The following DNAH11 variants were observed in gnomAD, a reference collection of about 807,000 sequenced individuals.
The protein encoded by DNAH11 is dynein axonemal heavy chain 11.
DNAH11 carries 442 observed loss-of-function variants against 526.0 expected under a neutral mutation model. The observed-to-expected ratio is 0.84, with a 90% CI of 0.78 to 0.91. DNAH11 has a LOEUF of 0.91. Among genes scored for constraint, DNAH11 ranks in the 40% least tolerant of loss-of-function variants. The pLI, the probability that DNAH11 is intolerant of heterozygous loss-of-function variation, is 0.00. For synonymous variants in DNAH11, 2,461 were observed against 1,935.9 expected (o/e 1.27, Z -7.12); for missense variants, 6,989 against 5,448.7 (o/e 1.28, Z -8.90).
intron 74 of DNAH11, among the ~76,000 whole-genome samples, chr7:21,875,974 C>T (rs975396326): frequency 6.7e-6 from 1 of 149,802 alleles, no homozygotes; most frequent in Non-Finnish European, 1.5e-5. Flanking sequence ...AGCTCCGCCT[C>T]CCAGGTTCAC....
intron 65 of DNAH11, among the ~76,000 whole-genome samples, chr7:21,832,675 C>T (rs1323430517): frequency 6.6e-6 from 1 of 152,150 alleles, no homozygotes; most frequent in East Asian, 1.9e-4. Flanking sequence ...GAAAAATTAG[C>T]TGCTATTGCT....
intron 61 of DNAH11, among the ~76,000 whole-genome samples, chr7:21,792,894 C>A (rs1175655293): frequency 2.6e-5 from 4 of 151,342 alleles, no homozygotes; most frequent in African/African-American, 9.7e-5. Context: ...TCTGATTTTT[C>A]TTATTTCCTT....
At chr7:21,630,097 G>T (rs1021477987) in intron 25 of DNAH11, among the ~76,000 whole-genome samples, 3 of 150,828 alleles carry the variant, frequency 2.0e-5, no homozygotes, top group South Asian at 4.2e-4. Context: ...TTGCATTGTG[G>T]TTACCATGAG....
rs367596683 is a variant in DNAH11 at position 21,866,554 on chromosome 7, G to A, written c.11581G>A (p.Glu3861Lys). The A allele has an allele frequency of 1.6e-5, 26 of 1,613,768 alleles. No individual in the cohort carries two copies. The highest frequency in any genetic ancestry group is 3.3e-4 in the Middle Eastern group (2 of 6,084). Residue 3861 changes from glutamate (E) to lysine (K), a missense_variant, in exon 71 of 82, where the codon GAG (glutamate) becomes AAG (lysine). Transcript: ENST00000409508. ...AKQWRKWVES[E>K]CPEKEKLPQE... ...GCAGTGGAGGAAGTGGGTAGAATCC[G>A]AGTGTCCAGAAAAAGAAAAATTACC...
chr7:21,687,194 TAGGA>T lies in DNAH11; in HGVS notation c.5718_5721del (p.Gly1907ValfsTer5), dbSNP rs1783413277. The stretch of plus-strand genomic sequence containing the variant: ...GGGAAAACAGAGACCACCAAAGACC[TAGGA>T]CGTGCCCTTGGCATGATGGTCTATG... On this transcript the variant is annotated frameshift_variant, in exon 33 of 82. Transcript: ENST00000409508. LOFTEE classifies it high-confidence loss of function. 6.2e-7 allele frequency: 1 copy of T among 1,611,178 alleles called. No homozygotes were observed. The highest frequency in any genetic ancestry group is 2.2e-5 in the East Asian group (1 of 44,856).
At position 21,589,325 on chromosome 7, in the gene DNAH11, C is replaced by G; in HGVS notation, c.2091C>G (p.Ile697Met). 1 of 1,610,158 alleles carries G rather than the reference C, an allele frequency of 6.2e-7. No individual in the cohort carries two copies. Among genetic ancestry groups the G allele is most frequent in the Non-Finnish European group, 8.5e-7 (1 of 1,178,470 alleles). Reference sequence around the variant, plus strand: ...AATGGAAAAGTAATGTGGATGAAATCTGTGAATTCAATTTGAATCAACCCT... The same window carrying G: ...AATGGAAAAGTAATGTGGATGAAATGTGTGAATTCAATTTGAATCAACCCT... ...YNEWKSNVDE[I>M]CEFNLNQPLV... The change falls in exon 12 of 82, where the codon ATC becomes ATG. Residue 697 changes from isoleucine to methionine, a missense_variant. Coordinates refer to ENST00000409508, the MANE Select transcript of DNAH11 (RefSeq NM_001277115.2).
At chr7:21,590,385 T>G (rs920099798) in intron 12 of DNAH11, among the ~76,000 whole-genome samples, 1 of 152,200 alleles carries the variant, frequency 6.6e-6, no homozygotes, top group Non-Finnish European at 1.5e-5. Context: ...ATTTGTAATT[T>G]CCATGACAAA....
chr7:21,796,958 A>G (rs1315010466), intron 61 of DNAH11, among the ~76,000 whole-genome samples: 1 of 152,198 alleles, frequency 6.6e-6, no homozygotes, highest in Non-Finnish European at 1.5e-5. Context: ...TTTGTTTATC[A>G]GATCACATGT....
At position 21,570,303 on chromosome 7, in the gene DNAH11, T is replaced by C. The variant is rs1034720999; in HGVS notation, c.1425+4T>C. On this transcript the variant is annotated splice_donor_region_variant and intron_variant, in intron 7 of 81. Transcript: ENST00000409508. Reference sequence around the variant, plus strand: ...TGATCGTTTAATAAAAATAGAGGTATTCATTTTTTGATTTTATTTATTCAT... The same window carrying C: ...TGATCGTTTAATAAAAATAGAGGTACTCATTTTTTGATTTTATTTATTCAT... 64 of 1,585,236 alleles carry C rather than the reference T, an allele frequency of 4.0e-5. 1 individual carries two copies. In the Admixed American group the frequency reaches 5.2e-4, roughly 13 times the overall value.
rs1260038112 is a variant in DNAH11, at chr7:21,887,967, C to CTTT, written c.12507+3557_12507+3558insTTT. 7.2e-5 allele frequency among the ~76,000 whole-genome samples: 11 copies of CTTT among 152,252 alleles called. No individual in the cohort carries two copies. In the South Asian group the frequency reaches 1.5e-3, roughly 20 times the overall value. On this transcript the variant is annotated intron_variant, in intron 76 of 81. Coordinates refer to ENST00000409508, the MANE Select transcript of DNAH11 (RefSeq NM_001277115.2). ...CCTGGCTGGAGTGCTGAGCTGTTTGCAGCACAGGTCACCAAAACAATGACT... is the reference window on the plus strand; with the variant it reads ...CCTGGCTGGAGTGCTGAGCTGTTTGCTTTAGCACAGGTCACCAAAACAATGACT...
chr7:21,697,943 G>T (rs1783918730), intron 35 of DNAH11, 132 bp from the exon 36 acceptor site: 2 of 914,372 alleles, frequency 2.2e-6, no homozygotes, highest in Admixed American at 6.4e-5. Context: ...CTTATTAGCT[G>T]TGATTGACAG....
At position 21,866,597 on chromosome 7, in the gene DNAH11, A is replaced by G; in HGVS notation, c.11624A>G (p.Lys3875Arg). The G allele has an allele frequency of 1.2e-6, 2 of 1,613,974 alleles. No homozygotes were observed. The highest frequency in any genetic ancestry group is 1.1e-5 in the South Asian group (1 of 91,068). ...AAATTACCTCAAGAATGGAAGAAGA[A>G]AAGTTTAATACAGAAGCTGATTCTT... ...KEKLPQEWKK[K>R]SLIQKLILLR... The change falls in exon 71 of 82, where the codon AAA becomes AGA. Residue 3875 changes from lysine (K) to arginine (R), a missense_variant. Lys to Arg is a conservative substitution (Grantham distance 26). Transcript: ENST00000409508.
chr7:21,801,686 A>G (rs17145488), intron 62 of DNAH11, among the ~76,000 whole-genome samples: 65,056 of 152,020 alleles, frequency 0.43, 15,091 homozygotes, highest in East Asian at 0.82. Context: ...TCTTAAAACA[A>G]GTTATAAAAC....
intron 23 of DNAH11, chr7:21,618,426 A>G (rs1785882500): frequency 6.6e-6 from 1 of 152,642 alleles, no homozygotes; most frequent in Non-Finnish European, 1.5e-5. Context: ...CCTGCAACCC[A>G]TATGGCTGGC....
intron 34 of DNAH11, among the ~76,000 whole-genome samples, chr7:21,689,306 G>C (rs1783514988): frequency 1.3e-5 from 2 of 152,212 alleles, no homozygotes; most frequent in African/African-American, 2.4e-5. Flanking sequence ...TCCATGTACT[G>C]ATTTCTGAAA....
chr7:21,739,440 C>T, intron 47 of DNAH11, 131 bp from the exon 48 acceptor site: 3 of 632,838 alleles, frequency 4.7e-6, no homozygotes, highest in Non-Finnish European at 7.8e-6. Context: ...ATAAGGCTCA[C>T]TAGGTCAACC....
chr7:21,769,483 G>GTT lies in DNAH11; in HGVS notation c.9102+3894_9102+3895insTT, dbSNP rs1787329738. 3.5e-4 allele frequency among the ~76,000 whole-genome samples: 33 copies of GTT among 94,898 alleles called. No homozygotes were observed. The South Asian group carries it at 9.3e-3, about 27-fold the overall frequency. 62.3% of individuals were successfully genotyped at this position (94,898 alleles called of 152,430 possible). On this transcript the variant is annotated intron_variant, in intron 55 of 81. Transcript: ENST00000409508. ...TAGCTGGATTGCTTTTTTATTCTTT[G>GTT]GTTTTTTTTTTCTTTTTTTGAGAGG...
chr7:21,734,776 T>G (rs568344404), intron 45 of DNAH11, among the ~76,000 whole-genome samples: 2 of 152,078 alleles, frequency 1.3e-5, no homozygotes, highest in South Asian at 4.1e-4. Context: ...GAGAATAACC[T>G]GAGCTCAGGA....
At chr7:21,558,625 T>A (rs1198123042) in intron 2 of DNAH11, among the ~76,000 whole-genome samples, 177 bp from the exon 3 acceptor site, 3 of 152,208 alleles carry the variant, frequency 2.0e-5, no homozygotes, top group African/African-American at 7.2e-5. Flanking sequence ...TTTGACAGAA[T>A]TTATGTCTAA....
Sources: allele counts gnomAD v4.1 joint callset (sites outside exome capture counted in the v4.1 genomes callset), GRCh38; gene constraint gnomAD v4.1.1; transcripts MANE v1.5; gene names NCBI Gene and HGNC (gene_info 2026-07-23, HGNC 2026-07-21).